FER: variants seen among roughly 807,000 people sequenced by gnomAD.
The protein encoded by FER is FER tyrosine kinase, also known as tyrosine-protein kinase Fer.
In FER, 63 loss-of-function variants were observed where a neutral mutation model predicts 111.0. The ratio of observed to expected loss-of-function variants is 0.57; its 90% CI spans 0.46 to 0.70. The LOEUF (loss-of-function observed/expected upper bound fraction) is 0.70. Ranked by LOEUF, FER falls within the 30% of genes least tolerant of loss-of-function variation. The probability of loss-of-function intolerance (pLI) is 0.00; values close to 1 mark genes in which losing one functional copy is unlikely to be tolerated. For missense variants in FER, 914 were observed against 954.0 expected (o/e 0.96, Z 0.55); for synonymous variants, 327 against 313.9 (o/e 1.04, Z -0.44).
At chr5:108,751,048 C>T (rs1163212114) in intron 1 of FER, among the ~76,000 whole-genome samples, 1 of 151,986 alleles carries the variant, frequency 6.6e-6, no homozygotes, top group African/African-American at 2.4e-5. Context: ...CAAAATTAGC[C>T]GGGCATGGTG....
chr5:109,025,887 A>G (rs184678286), intron 13 of FER, among the ~76,000 whole-genome samples: 10 of 152,272 alleles, frequency 6.6e-5, no homozygotes, highest in Non-Finnish European at 1.0e-4. Context: ...CTAGCTGGCT[A>G]TTTTTAGCCA....
At chr5:108,878,287 A>G (rs760959648) in intron 8 of FER, among the ~76,000 whole-genome samples, 5 of 152,194 alleles carry the variant, frequency 3.3e-5, no homozygotes, top group Non-Finnish European at 5.9e-5. Flanking sequence ...ATAAAATCTT[A>G]CAAAAAGGTA....
intron 19 of FER, among the ~76,000 whole-genome samples, chr5:109,187,090 C>T (rs750759025): frequency 6.6e-6 from 1 of 152,158 alleles, no homozygotes; most frequent in African/African-American, 2.4e-5. Flanking sequence ...TTCTCTTCAT[C>T]TTGAAAAACA....
At chr5:108,966,049 G>C (rs921971945) in intron 13 of FER, among the ~76,000 whole-genome samples, 1 of 152,106 alleles carries the variant, frequency 6.6e-6, no homozygotes, top group Non-Finnish European at 1.5e-5. Context: ...AGCAATGCTA[G>C]TATCAAAAAA....
chr5:108,748,124 A>G (rs1750001100), intron 1 of FER, 124 bp downstream of exon 1: 1 of 152,264 alleles, frequency 6.6e-6, no homozygotes, highest in Admixed American at 6.5e-5. Flanking sequence ...TACAGGATTG[A>G]AAGACAGTTC....
chr5:108,984,019 A>C (rs1041432236), intron 13 of FER, among the ~76,000 whole-genome samples: 11 of 152,134 alleles, frequency 7.2e-5, no homozygotes, highest in Non-Finnish European at 1.5e-5. Context: ...ATACAGTAAA[A>C]AAACAAAACA....
chr5:108,985,653 G>C (rs1762488340), intron 13 of FER, among the ~76,000 whole-genome samples: 1 of 152,076 alleles, frequency 6.6e-6, no homozygotes, highest in South Asian at 2.1e-4. Context: ...CATCCTCATA[G>C]CTTAGCTCCC....
At chr5:108,875,724 C>G (rs1027886449) in intron 8 of FER, among the ~76,000 whole-genome samples, 2 of 151,984 alleles carry the variant, frequency 1.3e-5, no homozygotes, top group African/African-American at 2.4e-5. Flanking sequence ...CTAAGTATGA[C>G]AAATTAAAGA....
chr5:108,832,912 T>A lies in FER; in HGVS notation c.350T>A (p.Val117Asp). Residue 117 changes from valine to aspartate, a missense_variant, in exon 4 of 20, where the codon GTT becomes GAT. By Grantham distance (152) the Val-to-Asp change is radical. Transcript: ENST00000281092. ...KQQVKKSYIG[V>D]HQQIEAEMIK... is the part of the protein sequence containing the mutation. ...CAGGTGAAGAAAAGTTACATAGGTG[T>A]TCATCAGCAGATAGAGGCAGAGATG... is the stretch of plus-strand genomic sequence containing the variant. 1 of 1,599,896 alleles carries A rather than the reference T, an allele frequency of 6.3e-7. No homozygotes were observed. The highest frequency in any genetic ancestry group is 8.5e-7 in the Non-Finnish European group (1 of 1,173,006).
chr5:109,068,095 T>C (rs1379624743), intron 16 of FER, among the ~76,000 whole-genome samples: 1 of 152,136 alleles, frequency 6.6e-6, no homozygotes, highest in Non-Finnish European at 1.5e-5. Flanking sequence ...TACTCGATTA[T>C]GGAGTCAGAA....
chr5:109,006,407 C>G (rs780551189), intron 13 of FER, among the ~76,000 whole-genome samples: 4 of 152,154 alleles, frequency 2.6e-5, no homozygotes, highest in African/African-American at 9.7e-5. Flanking sequence ...TGCAAGTGTT[C>G]TCTTGCCTAC....
chr5:108,928,200 G>T (rs1000273835), intron 10 of FER, among the ~76,000 whole-genome samples: 1 of 152,126 alleles, frequency 6.6e-6, no homozygotes, highest in Non-Finnish European at 1.5e-5. Context: ...AGTTTATGAA[G>T]GTAGAAGAAT....
intron 3 of FER, among the ~76,000 whole-genome samples, chr5:108,828,132 A>G (rs1759667288): frequency 6.6e-6 from 1 of 152,016 alleles, no homozygotes. Flanking sequence ...GGCCTCCCCA[A>G]ACACTGGGAT....
intron 13 of FER, among the ~76,000 whole-genome samples, chr5:109,029,422 G>A (rs1310198048): frequency 8.9e-5 from 6 of 67,294 alleles, no homozygotes; most frequent in African/African-American, 3.1e-4. Context: ...TCTATTCATT[G>A]TTCTTTTTTT....
chr5:109,064,627 G>T (rs538847916), intron 16 of FER, among the ~76,000 whole-genome samples: 3 of 152,192 alleles, frequency 2.0e-5, no homozygotes, highest in Admixed American at 2.0e-4. Flanking sequence ...AGTATTACTC[G>T]TAGGCTTTTT....
At chr5:108,866,790 A>C (rs2150232820) in intron 5 of FER, among the ~76,000 whole-genome samples, 1 of 152,310 alleles carries the variant, frequency 6.6e-6, no homozygotes, top group African/African-American at 2.4e-5. Context: ...TGAGTCTACA[A>C]TGACAAGAAA....
chr5:108,839,873 G>A (rs986924786), intron 5 of FER, among the ~76,000 whole-genome samples: 1 of 151,856 alleles, frequency 6.6e-6, no homozygotes, highest in Non-Finnish European at 1.5e-5. Flanking sequence ...CACCGCGTCC[G>A]GCCATCCCAT....
chr5:108,885,040 A>G (rs1395736073), intron 9 of FER, among the ~76,000 whole-genome samples: 3 of 151,826 alleles, frequency 2.0e-5, no homozygotes, highest in East Asian at 3.9e-4. Context: ...CGCTCAGCCA[A>G]TCCATTTTAG....
At chr5:108,926,678 T>C (rs57158292) in intron 10 of FER, among the ~76,000 whole-genome samples, 32,142 of 152,096 alleles carry the variant, frequency 0.21, 4,113 homozygotes, top group African/African-American at 0.37. Flanking sequence ...TTAAGTACTT[T>C]TCATTGTCAG....
Sources: allele counts gnomAD v4.1 joint callset (sites outside exome capture counted in the v4.1 genomes callset), GRCh38; gene constraint gnomAD v4.1.1; transcripts MANE v1.5; gene names NCBI Gene and HGNC (gene_info 2026-07-23, HGNC 2026-07-21).